GPR107: variants seen among roughly 807,000 people sequenced by gnomAD.
The protein encoded by GPR107 is G protein-coupled receptor 107.
A neutral mutation model predicts 75.5 loss-of-function variants in GPR107; 31 were observed. The ratio of observed to expected loss-of-function variants is 0.41; its 90% CI spans 0.31 to 0.55. The LOEUF (loss-of-function observed/expected upper bound fraction) is 0.55, where lower values mean the gene tolerates loss of function less well. Among genes scored for constraint, GPR107 ranks in the 20% least tolerant of loss-of-function variants. The pLI, the probability that GPR107 is intolerant of heterozygous loss-of-function variation, is 0.26. For synonymous variants in GPR107, 267 were observed against 251.3 expected, an observed-to-expected ratio of 1.06 and a Z score of -0.59; for missense variants, 572 against 665.7, an observed-to-expected ratio of 0.86 and a Z score of 1.55.
At chr9:130,083,632 C>T in intron 6 of GPR107, 30 bp downstream of exon 6, 1 of 1,439,574 alleles carries the variant, frequency 6.9e-7, no homozygotes, top group Non-Finnish European at 9.3e-7. Context: ...TTGTGCTCAG[C>T]TTTTCTGGAT....
intron 1 of GPR107, among the ~76,000 whole-genome samples, chr9:130,055,014 T>A (rs769819824): frequency 3.6e-4 from 54 of 151,770 alleles, no homozygotes; most frequent in Non-Finnish European, 6.2e-4. Flanking sequence ...GCCTAGGAGG[T>A]TGAGACTGCA....
At chr9:130,107,887 A>G (rs1304792380) in intron 14 of GPR107, among the ~76,000 whole-genome samples, 1 of 152,228 alleles carries the variant, frequency 6.6e-6, no homozygotes, top group Admixed American at 6.5e-5. Context: ...CAGGAGGGAT[A>G]ATGGATTGGA....
Position 130,135,301 on chromosome 9 carries a change from T to TCTGTGG in GPR107, c.*185_*190dup. The stretch of plus-strand genomic sequence containing the variant: ...TTTGTACTCTCTTTTATGGAAACGA[T>TCTGTGG]CTGTGGCTGTTTAGAGGCAGCTGGA... On this transcript the variant is annotated 3_prime_UTR_variant, in exon 18 of 18. Coordinates refer to ENST00000347136, the MANE Select transcript of GPR107 (RefSeq NM_020960.5). 2.0e-6 allele frequency: 1 copy of TCTGTGG among 493,502 alleles called. No homozygotes were observed. The highest frequency in any genetic ancestry group is 3.6e-6 in the Non-Finnish European group (1 of 281,278). 30.6% of individuals were successfully genotyped at this position (493,502 alleles called of 1,614,324 possible).
At chr9:130,131,921 C>T (rs1554899154) in intron 17 of GPR107, among the ~76,000 whole-genome samples, 1 of 152,192 alleles carries the variant, frequency 6.6e-6, no homozygotes, top group East Asian at 1.9e-4. Flanking sequence ...CACTCTGTCA[C>T]CCAGGCTGGA....
chr9:130,115,251 T>G (rs562262898), intron 14 of GPR107, among the ~76,000 whole-genome samples: 1 of 152,254 alleles, frequency 6.6e-6, no homozygotes, highest in South Asian at 2.1e-4. Flanking sequence ...TTTAATAACC[T>G]CTTCTTTAGA....
At chr9:130,084,983 A>G (rs1179972414) in intron 6 of GPR107, among the ~76,000 whole-genome samples, 1 of 152,128 alleles carries the variant, frequency 6.6e-6, no homozygotes, top group African/African-American at 2.4e-5. Flanking sequence ...CTGGATGATG[A>G]CAAATGCTGA....
At chr9:130,084,140 G>A (rs59304265) in intron 6 of GPR107, among the ~76,000 whole-genome samples, 3 of 150,128 alleles carry the variant, frequency 2.0e-5, no homozygotes, top group Non-Finnish European at 4.4e-5. Flanking sequence ...GGTTCATGCC[G>A]TAATCCCAGC....
At chr9:130,087,410 G>A (rs1375695511) in intron 7 of GPR107, among the ~76,000 whole-genome samples, 1 of 151,844 alleles carries the variant, frequency 6.6e-6, no homozygotes, top group Non-Finnish European at 1.5e-5. Flanking sequence ...GCTCACGCCT[G>A]TTATCCCAGC....
chr9:130,133,504 G>A (rs115882296), intron 17 of GPR107, among the ~76,000 whole-genome samples: 1,572 of 152,240 alleles, frequency 0.01, 32 homozygotes, highest in Admixed American at 0.034. Flanking sequence ...TACGTGGCTC[G>A]GGGCAGGGGC....
intron 14 of GPR107, among the ~76,000 whole-genome samples, chr9:130,120,032 C>G (rs1831513644): frequency 6.6e-6 from 1 of 152,112 alleles, no homozygotes; most frequent in African/African-American, 2.4e-5. Flanking sequence ...CCCTATGTTG[C>G]CCAGGCTGGT....
At chr9:130,064,945 G>A (rs1830033650) in intron 1 of GPR107, among the ~76,000 whole-genome samples, 1 of 152,108 alleles carries the variant, frequency 6.6e-6, no homozygotes, top group Non-Finnish European at 1.5e-5. Context: ...TGGCCCTGCT[G>A]ACGCCTTGAT....
chr9:130,086,833 T>C (rs1419790722), intron 7 of GPR107, among the ~76,000 whole-genome samples: 3 of 152,120 alleles, frequency 2.0e-5, no homozygotes, highest in South Asian at 2.1e-4. Context: ...GAAAGGACCA[T>C]TGATGATGAT....
intron 17 of GPR107, among the ~76,000 whole-genome samples, chr9:130,132,814 T>C (rs1831859581): frequency 2.8e-5 from 3 of 105,912 alleles, no homozygotes; most frequent in Admixed American, 8.9e-5. Context: ...AAAATATATA[T>C]ATATTTTTAT....
intron 14 of GPR107, among the ~76,000 whole-genome samples, chr9:130,119,203 G>A (rs775765462): frequency 1.3e-5 from 2 of 152,160 alleles, no homozygotes; most frequent in Non-Finnish European, 2.9e-5. Flanking sequence ...TGCTCAGAGC[G>A]GGCTCCACCC....
At chr9:130,056,344 C>CAGG (rs3055639) in intron 1 of GPR107, among the ~76,000 whole-genome samples, 1 of 152,016 alleles carries the variant, frequency 6.6e-6, no homozygotes, top group East Asian at 1.9e-4. Context: ...CCCAGCTACT[C>CAGG]GGGGCTGAGG....
chr9:130,134,344 G>C (rs1345535610), intron 17 of GPR107, among the ~76,000 whole-genome samples: 2 of 152,220 alleles, frequency 1.3e-5, no homozygotes, highest in African/African-American at 4.8e-5. Flanking sequence ...CGAGACCAGC[G>C]ATCTTCCATT....
chr9:130,114,852 A>G (rs1831384372), intron 14 of GPR107, among the ~76,000 whole-genome samples: 1 of 152,228 alleles, frequency 6.6e-6, no homozygotes, highest in Admixed American at 6.5e-5. Flanking sequence ...GGATGTGAAG[A>G]TGAGTGAAAG....
Position 130,104,470 on chromosome 9 carries a change from G to A in GPR107, c.1182G>A (p.Thr394=), listed in dbSNP as rs147261140. 7.7e-4 allele frequency: 1,236 copies of A among 1,612,910 alleles called. 4 individuals carry two copies. The highest frequency in any genetic ancestry group is 7.9e-4 in the Non-Finnish European group (927 of 1,178,900). Residue 394 remains threonine (T), a synonymous_variant, in exon 13 of 18, where the codon ACG becomes ACA. Coordinates refer to ENST00000347136, the MANE Select transcript of GPR107 (RefSeq NM_020960.5). ...YIIIESTEEG[T]TEYGLWKDSL... is the part of the protein sequence containing the mutation. ...TCATAGAGTCCACCGAGGAGGGCAC[G>A]ACTGAATATGGCTTGTGGAAGGACT...
At chr9:130,085,420 T>C (rs188175299) in intron 6 of GPR107, among the ~76,000 whole-genome samples, 2 of 152,312 alleles carry the variant, frequency 1.3e-5, no homozygotes, top group Non-Finnish European at 2.9e-5. Context: ...TAAATGGTGA[T>C]GTTTTGTCTT....
Sources: allele counts gnomAD v4.1 joint callset (sites outside exome capture counted in the v4.1 genomes callset), GRCh38; gene constraint gnomAD v4.1.1; transcripts MANE v1.5; gene names NCBI Gene and HGNC (gene_info 2026-07-23, HGNC 2026-07-21).